The following CSMD1 variants were observed in gnomAD, a reference collection of about 807,000 sequenced individuals.
CSMD1 encodes the protein CUB and sushi domain-containing protein 1.
CSMD1 carries 213 observed loss-of-function variants against 417.5 expected under a neutral mutation model. The observed-to-expected ratio is 0.51, with a 90% CI of 0.46 to 0.57. The LOEUF (loss-of-function observed/expected upper bound fraction) is 0.57. Ranked by LOEUF, CSMD1 falls within the 20% of genes least tolerant of loss-of-function variation. The probability of loss-of-function intolerance (pLI) is 0.00; values close to 1 mark genes in which losing one functional copy is unlikely to be tolerated. For missense variants in CSMD1, 6,923 were observed against 4,529.7 expected (o/e 1.53, Z -15.17); for synonymous variants, 2,862 against 1,736.8 (o/e 1.65, Z -16.11).
At position 2,997,931 on chromosome 8, in the gene CSMD1, G is replaced by C. The variant is rs1042924789; in HGVS notation, c.8377+80C>G. On this transcript the variant is annotated intron_variant, in intron 54 of 69. Transcript: ENST00000635120. ...CTTTATGCATTACCCTTGATTCATG[G>C]AGACAGGCTCTTGATGGTGTTACTG... 16 of 1,363,156 alleles carry C rather than the reference G, an allele frequency of 1.2e-5. No individual in the cohort carries two copies. In the African/African-American group the frequency reaches 2.2e-4, roughly 19 times the overall value. The allele number at this position is 1,363,156 out of a possible 1,614,324, so 84.4% of individuals were successfully genotyped here.
At chr8:4,965,166 T>A (rs540374626) in intron 1 of CSMD1, among the ~76,000 whole-genome samples, 5 of 152,326 alleles carry the variant, frequency 3.3e-5, no homozygotes, top group Non-Finnish European at 7.4e-5. Context: ...CATACAGATA[T>A]CATGAGTTAT....
intron 1 of CSMD1, among the ~76,000 whole-genome samples, chr8:4,722,541 G>T (rs10108064): frequency 0.31 from 47,229 of 151,732 alleles, 8,499 homozygotes; most frequent in Admixed American, 0.47. Flanking sequence ...TCTGAATGGG[G>T]TAGAACTTTC....
intron 35 of CSMD1, 90 bp from the exon 36 acceptor site, chr8:3,188,055 G>A (rs932980846): frequency 2.7e-5 from 18 of 659,992 alleles, no homozygotes; most frequent in Admixed American, 2.3e-4. Flanking sequence ...TCATGATTAA[G>A]GTGTATATGT....
intron 12 of CSMD1, among the ~76,000 whole-genome samples, chr8:3,465,000 G>A (rs1816717794): frequency 1.3e-5 from 2 of 152,072 alleles, no homozygotes; most frequent in Admixed American, 6.6e-5. Flanking sequence ...AATAGCTATA[G>A]ATAATACACA....
intron 1 of CSMD1, among the ~76,000 whole-genome samples, chr8:4,877,834 C>T (rs1488889854): frequency 6.6e-6 from 1 of 152,068 alleles, no homozygotes. Context: ...TCTTCTTTGC[C>T]TTCAAGTGAA....
At chr8:4,113,525 C>T (rs764224362) in intron 3 of CSMD1, among the ~76,000 whole-genome samples, 5 of 151,542 alleles carry the variant, frequency 3.3e-5, no homozygotes, top group African/African-American at 9.7e-5. Flanking sequence ...CTGCCTCTGC[C>T]TCCTGAGTAG....
At chr8:3,588,582 A>T (rs1800703965) in intron 8 of CSMD1, among the ~76,000 whole-genome samples, 1 of 152,146 alleles carries the variant, frequency 6.6e-6, no homozygotes, top group African/African-American at 2.4e-5. Context: ...TGCTCCTATA[A>T]CACCTCTATC....
intron 7 of CSMD1, among the ~76,000 whole-genome samples, chr8:3,687,241 C>G (rs1327153548): frequency 6.6e-6 from 1 of 152,188 alleles, no homozygotes; most frequent in Admixed American, 6.5e-5. Context: ...CACTTTGTTG[C>G]TTTTAAGTCC....
intron 5 of CSMD1, among the ~76,000 whole-genome samples, chr8:3,757,562 G>C (rs1436194822): frequency 6.6e-6 from 1 of 152,128 alleles, no homozygotes; most frequent in Non-Finnish European, 1.5e-5. Flanking sequence ...TAGCATATAT[G>C]AAGCGATTTG....
rs2552086 is a variant in CSMD1, at chr8:4,064,761, A to C, written c.416-32662T>G. Among the ~76,000 whole-genome samples the C allele has an allele frequency of 8.1e-4, 123 of 152,286 alleles. 6 individuals carry two copies. In the East Asian group the frequency reaches 0.022, roughly 27 times the overall value. On this transcript the variant is annotated intron_variant, in intron 3 of 69. Transcript: ENST00000635120. Reference sequence around the variant, plus strand: ...CCGAGATCTCTCAGTACTGCTGTGGAAACAATCCAGTCCATTTAGAAACAG... The same window carrying C: ...CCGAGATCTCTCAGTACTGCTGTGGCAACAATCCAGTCCATTTAGAAACAG...
intron 2 of CSMD1, among the ~76,000 whole-genome samples, chr8:4,538,429 G>A (rs1022216869): frequency 1.3e-5 from 2 of 151,950 alleles, no homozygotes; most frequent in South Asian, 4.2e-4. Context: ...GATCACCTGA[G>A]ATCAGGAGTT....
At chr8:3,144,743 A>C (rs1034682873) in intron 40 of CSMD1, among the ~76,000 whole-genome samples, 16 of 150,112 alleles carry the variant, frequency 1.1e-4, no homozygotes, top group Admixed American at 6.7e-5. Flanking sequence ...TTTAAAAGGA[A>C]CTCAGAAGTG....
At chr8:4,693,684 G>C (rs969610940) in intron 1 of CSMD1, among the ~76,000 whole-genome samples, 4 of 152,004 alleles carry the variant, frequency 2.6e-5, no homozygotes, top group African/African-American at 9.7e-5. Context: ...TATTCTTTCA[G>C]AGATGAGGTC....
In CSMD1 at chr8:3,219,245, A is replaced by G. The variant is rs1447309577; in HGVS notation, c.4672+10T>C. ...ATTAATTCCCACTCAAATTCAGGCA[A>G]TCGCAATACCTTTAAATTCAATGGC... On this transcript the variant is annotated intron_variant, in intron 29 of 69. Transcript: ENST00000635120. 3 of 1,577,960 alleles carry G rather than the reference A, an allele frequency of 1.9e-6. No homozygotes were observed. The highest frequency in any genetic ancestry group is 1.8e-4 in the Middle Eastern group (1 of 5,430).
intron 3 of CSMD1, among the ~76,000 whole-genome samples, chr8:4,167,183 T>G (rs766727909): frequency 6.6e-5 from 10 of 152,158 alleles, no homozygotes; most frequent in African/African-American, 1.7e-4. Context: ...AACCAGATAA[T>G]TTTTTCCAGA....
chr8:3,491,963 C>T (rs1227462726), intron 11 of CSMD1, among the ~76,000 whole-genome samples: 1 of 152,174 alleles, frequency 6.6e-6, no homozygotes, highest in African/African-American at 2.4e-5. Flanking sequence ...CCAGAGGTCC[C>T]GGCCTCCACC....
intron 2 of CSMD1, among the ~76,000 whole-genome samples, chr8:4,583,188 C>G (rs112991131): frequency 0.12 from 17,535 of 152,212 alleles, 3,262 homozygotes; most frequent in African/African-American, 0.39. Flanking sequence ...CAGTCCCATC[C>G]ACCACCCAAG....
intron 11 of CSMD1, among the ~76,000 whole-genome samples, chr8:3,474,863 A>G (rs1817317460): frequency 6.6e-6 from 1 of 152,202 alleles, no homozygotes; most frequent in Admixed American, 6.5e-5. Flanking sequence ...CTTAAAAATA[A>G]TGTTATCCTA....
At chr8:4,536,038 A>G (rs1797085769) in intron 2 of CSMD1, among the ~76,000 whole-genome samples, 1 of 152,146 alleles carries the variant, frequency 6.6e-6, no homozygotes, top group Admixed American at 6.6e-5. Context: ...TATTTTTGAA[A>G]ACAGCTGAAA....
Sources: allele counts gnomAD v4.1 joint callset (sites outside exome capture counted in the v4.1 genomes callset), GRCh38; gene constraint gnomAD v4.1.1; transcripts MANE v1.5; gene names NCBI Gene and HGNC (gene_info 2026-07-23, HGNC 2026-07-21).